The following FCRLA variants were observed in gnomAD, a reference collection of about 807,000 sequenced individuals.
The protein encoded by FCRLA is Fc receptor like A.
A neutral mutation model predicts 28.4 loss-of-function variants in FCRLA; 26 were observed. The ratio of observed to expected loss-of-function variants is 0.91; its 90% confidence interval spans 0.67 to 1.27. FCRLA has a LOEUF of 1.27. Ranked by LOEUF, FCRLA falls within the 50% of genes most tolerant of loss-of-function variation. The probability of loss-of-function intolerance (pLI) is 0.00; values close to 1 mark genes in which losing one functional copy is unlikely to be tolerated. For synonymous variants in FCRLA, 174 were observed against 168.5 expected (o/e 1.03, Z -0.25); for missense variants, 422 against 433.1 (o/e 0.97, Z 0.23).
Position 161,711,372 on chromosome 1 carries a change from G to T in FCRLA, c.397G>T (p.Val133Leu), listed in dbSNP as rs1197804264. The T allele has an allele frequency of 3.7e-6, 6 of 1,614,214 alleles. No individual in the cohort carries two copies. Among genetic ancestry groups the T allele is most frequent in the Non-Finnish European group, 5.1e-6 (6 of 1,180,034 alleles). Residue 133 changes from valine (V) to leucine (L), a missense_variant, in exon 3 of 5, where the codon GTA (valine) becomes TTA (leucine). Around this residue, in one of 3 missense-constraint regions of FCRLA, gnomAD observed 231 missense variants for 214.6 expected, o/e 1.08. Transcript: ENST00000236938. Reference protein sequence around the residue: ...GPNREFSITVVQKADSGHYHC... With the variant: ...GPNREFSITVLQKADSGHYHC... ...TAACAGGGAATTCTCCATCACCGTGGTACAAAAGGCAGACAGCGGGCACTA... is the reference window on the plus strand; with the variant it reads ...TAACAGGGAATTCTCCATCACCGTGTTACAAAAGGCAGACAGCGGGCACTA...
intron 1 of FCRLA, chr1:161,710,309 G>A: frequency 3.1e-6 from 2 of 644,972 alleles, no homozygotes; most frequent in South Asian, 3.7e-5. Flanking sequence ...TGAGGATAAA[G>A]TCACCTACCT....
chr1:161,707,396 G>A (rs1427576952), intron 1 of FCRLA, 53 bp downstream of exon 1: 2 of 1,520,758 alleles, frequency 1.3e-6, no homozygotes, highest in East Asian at 2.3e-5. Flanking sequence ...CTTACCTTGG[G>A]AGAAAGGACC....
intron 1 of FCRLA, among the ~76,000 whole-genome samples, chr1:161,709,507 G>C (rs1682993602): frequency 6.6e-6 from 1 of 152,140 alleles, no homozygotes; most frequent in Non-Finnish European, 1.5e-5. Flanking sequence ...ACTGAAAAGA[G>C]GTAGCATTAC....
rs916358994 is a variant in FCRLA at position 161,712,192 on chromosome 1, G to C, written c.758G>C (p.Ser253Thr). 2 of 1,613,752 alleles carry C rather than the reference G, an allele frequency of 1.2e-6. No individual in the cohort carries two copies. Among genetic ancestry groups the C allele is most frequent in the African/African-American group, 2.7e-5 (2 of 74,916 alleles). ...ATEDNQVWKQSPQLEIRVQGA... is the reference protein window; with the variant it reads ...ATEDNQVWKQTPQLEIRVQGA... ...GAGGACAACCAAGTTTGGAAACAGAGCCCCCAGCTAGAGATCAGAGTGCAG... is the reference window on the plus strand; with the variant it reads ...GAGGACAACCAAGTTTGGAAACAGACCCCCCAGCTAGAGATCAGAGTGCAG... Residue 253 changes from serine (S) to threonine (T), a missense_variant, in exon 4 of 5, where the codon AGC (serine) becomes ACC (threonine). This residue lies in a region of FCRLA where 185 missense variants were observed against 198.1 expected (regional missense o/e 0.93). Transcript: ENST00000236938.
intron 1 of FCRLA, among the ~76,000 whole-genome samples, chr1:161,708,042 T>C (rs1682911364): frequency 6.6e-6 from 1 of 152,172 alleles, no homozygotes; most frequent in South Asian, 2.1e-4. Flanking sequence ...CCAAATCATA[T>C]CCCCAACCCT....
intron 1 of FCRLA, among the ~76,000 whole-genome samples, chr1:161,709,899 T>C (rs1461417971): frequency 1.3e-5 from 2 of 151,926 alleles, no homozygotes; most frequent in Non-Finnish European, 2.9e-5. Context: ...CAGTTACTAA[T>C]ATGGACTGGG....
intron 1 of FCRLA, 143 bp downstream of exon 1, chr1:161,707,486 A>G (rs1682873775): frequency 1.1e-6 from 1 of 900,776 alleles, no homozygotes; most frequent in African/African-American, 1.7e-5. Flanking sequence ...GGTATAAGAA[A>G]GTTTGGTGTA....
chr1:161,712,297 G>T, intron 4 of FCRLA, 79 bp downstream of exon 4: 1 of 1,518,828 alleles, frequency 6.6e-7, no homozygotes. Flanking sequence ...ATTGACCTGT[G>T]AGCTGGGGTT....
intron 1 of FCRLA, among the ~76,000 whole-genome samples, chr1:161,708,716 T>C (rs544236175): frequency 1.3e-5 from 2 of 152,200 alleles, no homozygotes; most frequent in Non-Finnish European, 2.9e-5. Flanking sequence ...TCCTTCTCCT[T>C]GCAAATGTGT....
At chr1:161,710,947 A>G in intron 2 of FCRLA, 35 bp downstream of exon 2, 1 of 1,608,076 alleles carries the variant, frequency 6.2e-7, no homozygotes, top group Non-Finnish European at 8.5e-7. Context: ...AGTGCCCCAA[A>G]CCCCTTCTTT....
chr1:161,710,877 C>T lies in FCRLA; in HGVS notation c.197C>T (p.Thr66Ile), dbSNP rs765992105. The change falls in exon 2 of 5, where the codon ACT (threonine) becomes ATT (isoleucine). Residue 66 changes from threonine (T) to isoleucine (I), a missense_variant. Transcript: ENST00000236938. Reference protein sequence around the residue: ...REAGFQVKAYTFSEPFHLIVS... With the variant: ...REAGFQVKAYIFSEPFHLIVS... ...GCTGGCTTCCAGGTCAAGGCCTACA[C>T]TTTCAGTGAACCCTTCCACCTGATT... 28 of 1,613,602 alleles carry T rather than the reference C, an allele frequency of 1.7e-5. No individual in the cohort carries two copies. The highest frequency in any genetic ancestry group is 2.3e-5 in the Non-Finnish European group (27 of 1,180,024).
Position 161,711,944 on chromosome 1 carries a change from A to G in FCRLA, c.510A>G (p.Pro170=). The change falls in exon 4 of 5, where the codon CCA becomes CCG. Residue 170 remains proline, a synonymous_variant. Coordinates refer to ENST00000236938, the MANE Select transcript of FCRLA (RefSeq NM_032738.4). ...CTATCTTTTTCCCAGAACTGTTTCCAGCGCCAATTCTCAGAGCTGTACCCT... is the reference window on the plus strand; with the variant it reads ...CTATCTTTTTCCCAGAACTGTTTCCGGCGCCAATTCTCAGAGCTGTACCCT... ...VVAITVQELF[P]APILRAVPSA... The G allele has an allele frequency of 5.6e-6, 9 of 1,609,398 alleles. No individual in the cohort carries two copies. Among genetic ancestry groups the G allele is most frequent in the African/African-American group, 1.3e-5 (1 of 74,742 alleles).
In FCRLA at chr1:161,712,080, G is replaced by A. The variant is rs117378923; in HGVS notation, c.646G>A (p.Val216Met). Reference sequence around the variant, plus strand: ...CTCCTTCTACAAGGATGGAAGGATAGTGCAAAGCAGGGGGCTCTCCTCAGA... The same window carrying A: ...CTCCTTCTACAAGGATGGAAGGATAATGCAAAGCAGGGGGCTCTCCTCAGA... Reference protein sequence around the residue: ...LFSFYKDGRIVQSRGLSSEFQ... With the variant: ...LFSFYKDGRIMQSRGLSSEFQ... Residue 216 changes from valine to methionine, a missense_variant, in exon 4 of 5, where the codon GTG (valine) becomes ATG (methionine). By Grantham distance (21) the Val-to-Met change is conservative (BLOSUM62 1). This residue lies in a region of FCRLA where 185 missense variants were observed against 198.1 expected (regional missense o/e 0.93). Transcript: ENST00000236938. 2.8e-4 allele frequency: 451 copies of A among 1,614,216 alleles called. 3 individuals are homozygous for A. The East Asian group carries it at 8.1e-3, about 29-fold the overall frequency.
chr1:161,712,599 A>T (rs1683161397), intron 4 of FCRLA, among the ~76,000 whole-genome samples: 1 of 152,008 alleles, frequency 6.6e-6, no homozygotes, highest in Non-Finnish European at 1.5e-5. Context: ...GACCTGAAAC[A>T]CTCCCAGAAG....
intron 3 of FCRLA, 116 bp from the exon 4 acceptor site, chr1:161,711,818 C>A: frequency 1.6e-6 from 2 of 1,238,358 alleles, no homozygotes; most frequent in Non-Finnish European, 2.3e-6. Context: ...CTAAGAGAGC[C>A]CATTCCTGCT....
chr1:161,707,640 C>T (rs1329635434), intron 1 of FCRLA, among the ~76,000 whole-genome samples: 1 of 152,226 alleles, frequency 6.6e-6, no homozygotes, highest in Non-Finnish European at 1.5e-5. Context: ...CACTTGCTAT[C>T]TCCACTTCCT....
rs781524210 is a variant in FCRLA, at chr1:161,711,354, G to T, written c.379G>T (p.Glu127Ter). 1.2e-6 allele frequency: 2 copies of T among 1,614,062 alleles called. No individual in the cohort carries two copies. The highest frequency in any genetic ancestry group is 1.3e-5 in the African/African-American group (1 of 74,930). The change falls in exon 3 of 5, where the codon GAA (glutamate) becomes TAA (stop). Residue 127 changes from glutamate (E) to a stop codon, truncating the protein, a stop_gained. Coordinates refer to ENST00000236938, the MANE Select transcript of FCRLA (RefSeq NM_032738.4). LOFTEE classifies it high-confidence loss of function. ...SALGPPGPNR[E>*]FSITVVQKAD... ...TCTGGGTCCCCCCGGGCCTAACAGG[G>T]AATTCTCCATCACCGTGGTACAAAA...
intron 1 of FCRLA, chr1:161,710,159 C>A: frequency 7.9e-6 from 3 of 378,644 alleles, no homozygotes; most frequent in South Asian, 6.3e-5. Context: ...TGAAGTAGAC[C>A]ATATTTGCAC....
At chr1:161,711,774 C>T (rs1683113672) in intron 3 of FCRLA, 160 bp from the exon 4 acceptor site, 7 of 955,174 alleles carry the variant, frequency 7.3e-6, no homozygotes, top group African/African-American at 1.6e-5. Flanking sequence ...GTCCTGTCTA[C>T]TTACAGAAAG....
Sources: allele counts gnomAD v4.1 joint callset (sites outside exome capture counted in the v4.1 genomes callset), GRCh38; gene constraint gnomAD v4.1.1; regional missense constraint gnomAD v4.1.1; transcripts MANE v1.5; gene names NCBI Gene and HGNC (gene_info 2026-07-23, HGNC 2026-07-21).